The following CCSER2 variants were observed in gnomAD, a reference collection of about 807,000 sequenced individuals.
CCSER2 encodes coiled-coil serine rich protein 2.
A neutral mutation model predicts 92.3 loss-of-function variants in CCSER2; 46 were observed. The observed-to-expected ratio is 0.50, with a 90% CI of 0.39 to 0.64. The LOEUF (loss-of-function observed/expected upper bound fraction) is 0.64. Ranked by LOEUF, CCSER2 falls within the 30% of genes least tolerant of loss-of-function variation. The probability of loss-of-function intolerance (pLI) is 0.00; values close to 1 mark genes in which losing one functional copy is unlikely to be tolerated. For synonymous variants in CCSER2, 433 were observed against 431.4 expected, an observed-to-expected ratio of 1.00 and a Z score of -0.04; for missense variants, 1,244 against 1,238.9, an observed-to-expected ratio of 1.00 and a Z score of -0.06.
At chr10:84,374,590 T>C (rs1388669949) in intron 3 of CCSER2, among the ~76,000 whole-genome samples, 12 of 152,200 alleles carry the variant, frequency 7.9e-5, no homozygotes, top group Admixed American at 3.3e-4. Context: ...ATCTGAGTAC[T>C]AAAGGGACAG....
chr10:84,480,249 C>G (rs1305764098), intron 9 of CCSER2, among the ~76,000 whole-genome samples: 3 of 152,146 alleles, frequency 2.0e-5, no homozygotes, highest in South Asian at 2.1e-4. Flanking sequence ...TCTCACACTC[C>G]TGGGCTCAGG....
intron 1 of CCSER2, among the ~76,000 whole-genome samples, chr10:84,332,723 G>A (rs977823272): frequency 5.3e-5 from 8 of 151,894 alleles, no homozygotes; most frequent in East Asian, 1.9e-4. Context: ...AGGGTGAGGC[G>A]GGAGAATCGC....
At chr10:84,490,058 A>G (rs1397210300) in intron 9 of CCSER2, among the ~76,000 whole-genome samples, 1 of 152,210 alleles carries the variant, frequency 6.6e-6, no homozygotes, top group Non-Finnish European at 1.5e-5. Context: ...AAGAATGTTG[A>G]ATATTGGCCC....
At chr10:84,408,240 C>T (rs574363794) in intron 3 of CCSER2, among the ~76,000 whole-genome samples, 20 of 151,990 alleles carry the variant, frequency 1.3e-4, no homozygotes, top group Admixed American at 9.8e-4. Context: ...AGTTTATCAC[C>T]TGCCAGATAT....
chr10:84,400,129 C>T (rs917390501), intron 3 of CCSER2, among the ~76,000 whole-genome samples: 1 of 151,380 alleles, frequency 6.6e-6, no homozygotes, highest in East Asian at 2.0e-4. Flanking sequence ...TTTCTTGATA[C>T]CAGATTCTTA....
chr10:84,379,809 G>A (rs4244954), intron 3 of CCSER2, among the ~76,000 whole-genome samples: 129,913 of 152,104 alleles, frequency 0.85, 55,558 homozygotes, highest in East Asian at 0.9. Flanking sequence ...ATGTGTATTT[G>A]TATTGTAGTT....
rs1841620904 is a variant in CCSER2 at position 84,393,141 on chromosome 10, G to A, written c.1614+19326G>A. Among the ~76,000 whole-genome samples, 6 of 152,200 alleles carry A rather than the reference G, an allele frequency of 3.9e-5. No homozygotes were observed. The South Asian group carries it at 1.2e-3, about 32-fold the overall frequency. On this transcript the variant is annotated intron_variant, in intron 3 of 9. Coordinates refer to ENST00000372088, the MANE Select transcript of CCSER2 (RefSeq NM_001284240.2). ...TAAGAATATAGACATATAAAGTACT[G>A]TAGTTTACAGCTAGTCCTTGAAATG... is the stretch of plus-strand genomic sequence containing the variant.
chr10:84,513,386 T>A, intron 9 of CCSER2, 63 bp from the exon 10 acceptor site: 1 of 1,234,644 alleles, frequency 8.1e-7, no homozygotes, highest in Non-Finnish European at 1.1e-6. Context: ...TAATTGGTAT[T>A]TATATTAAAT....
intron 3 of CCSER2, among the ~76,000 whole-genome samples, chr10:84,412,153 G>A (rs181993494): frequency 3.2e-4 from 49 of 151,230 alleles, no homozygotes; most frequent in Admixed American, 1.1e-3. Flanking sequence ...CATCCCAGGT[G>A]GATAAGCTTT....
chr10:84,465,995 C>A (rs966341871), intron 7 of CCSER2, among the ~76,000 whole-genome samples: 1 of 152,206 alleles, frequency 6.6e-6, no homozygotes, highest in East Asian at 1.9e-4. Context: ...GCTTCGGCGT[C>A]CCAAAGTGCT....
At chr10:84,360,577 G>A (rs182675011) in intron 1 of CCSER2, among the ~76,000 whole-genome samples, 49 of 152,274 alleles carry the variant, frequency 3.2e-4, no homozygotes, top group African/African-American at 1.1e-3. Context: ...TGTACTCTTG[G>A]TGAATTTTAC....
At chr10:84,381,091 CAT>C (rs1377065399) in intron 3 of CCSER2, among the ~76,000 whole-genome samples, 5 of 152,170 alleles carry the variant, frequency 3.3e-5, no homozygotes, top group South Asian at 2.1e-4. Context: ...GTATGACAGT[CAT>C]GTGATTCCCT....
chr10:84,371,671 C>G lies in CCSER2; in HGVS notation c.619C>G (p.Pro207Ala), dbSNP rs1175715154. 1 of 1,613,780 alleles carries G rather than the reference C, an allele frequency of 6.2e-7. No homozygotes were observed. Among genetic ancestry groups the G allele is most frequent in the East Asian group, 2.2e-5 (1 of 44,868 alleles). Residue 207 changes from proline (P) to alanine (A), a missense_variant, in exon 2 of 10, where the codon CCA becomes GCA. Transcript: ENST00000372088. ...SSSGESLAQS[P>A]DSSKSINCEK... ...TTCTGGAGAAAGCTTAGCTCAATCCCCAGACAGTAGTAAATCTATTAATTG... is the reference window on the plus strand; with the variant it reads ...TTCTGGAGAAAGCTTAGCTCAATCCGCAGACAGTAGTAAATCTATTAATTG...
chr10:84,384,707 G>A (rs1468133598), intron 3 of CCSER2, among the ~76,000 whole-genome samples: 1 of 152,052 alleles, frequency 6.6e-6, no homozygotes. Context: ...CCTAAGAGCT[G>A]GAACAAGACG....
chr10:84,354,490 T>C (rs1400922874), intron 1 of CCSER2, among the ~76,000 whole-genome samples: 2 of 152,056 alleles, frequency 1.3e-5, no homozygotes, highest in African/African-American at 4.8e-5. Flanking sequence ...TCTTGCAAAT[T>C]ACTTTTTTAT....
intron 3 of CCSER2, among the ~76,000 whole-genome samples, chr10:84,409,541 G>GTTTTAGA (rs1842542475): frequency 6.6e-6 from 1 of 150,444 alleles, no homozygotes. Flanking sequence ...GGTTAATTCT[G>GTTTTAGA]TACATGCTGT....
rs151036920 is a variant in CCSER2 at position 84,385,772 on chromosome 10, A to T, written c.1614+11957A>T. On this transcript the variant is annotated intron_variant, in intron 3 of 9. Coordinates refer to ENST00000372088, the MANE Select transcript of CCSER2 (RefSeq NM_001284240.2). ...AAATGGGACTTAATTAAGCTTTTGC[A>T]CAGCAGAAGAAACAACAGAGTAAAC... Among the ~76,000 whole-genome samples the T allele has an allele frequency of 1.7e-3, 256 of 152,322 alleles. 2 individuals are homozygous for T. Among genetic ancestry groups the T allele is most frequent in the African/African-American group, 5.9e-3 (246 of 41,586 alleles).
intron 3 of CCSER2, among the ~76,000 whole-genome samples, chr10:84,375,177 C>A (rs1235212875): frequency 6.6e-6 from 1 of 152,112 alleles, no homozygotes; most frequent in East Asian, 1.9e-4. Context: ...GTTCATTGTT[C>A]CTGTAACTAA....
intron 6 of CCSER2, among the ~76,000 whole-genome samples, chr10:84,463,046 C>T (rs548905336): frequency 4.3e-4 from 66 of 152,288 alleles, no homozygotes; most frequent in African/African-American, 1.6e-3. Flanking sequence ...AGCACGTCAT[C>T]CAGTTATATT....
Sources: allele counts gnomAD v4.1 joint callset (sites outside exome capture counted in the v4.1 genomes callset), GRCh38; gene constraint gnomAD v4.1.1; transcripts MANE v1.5; gene names NCBI Gene and HGNC (gene_info 2026-07-23, HGNC 2026-07-21).